The following SLC4A5 variants were observed in gnomAD, a reference collection of about 807,000 sequenced individuals.
The protein encoded by SLC4A5 is electrogenic sodium bicarbonate cotransporter 4.
Under a neutral mutation model 120.4 loss-of-function variants are expected in SLC4A5, and 96 were observed. The ratio of observed to expected loss-of-function variants is 0.80; its 90% CI spans 0.68 to 0.94. The LOEUF (loss-of-function observed/expected upper bound fraction) is 0.94. SLC4A5 is among the 40% of genes least tolerant of loss of function. The pLI is 0.00. For missense variants in SLC4A5, 1,259 were observed against 1,459.5 expected, an observed-to-expected ratio of 0.86 and a Z score of 2.24; for synonymous variants, 550 against 571.1, an observed-to-expected ratio of 0.96 and a Z score of 0.53.
intron 3 of SLC4A5, among the ~76,000 whole-genome samples, chr2:74,337,484 A>T (rs1673520558): frequency 6.6e-6 from 1 of 152,226 alleles, no homozygotes; most frequent in South Asian, 2.1e-4. Context: ...CTTTTTAAAG[A>T]GCGGGGCTCA....
exon 21 of SLC4A5, chr2:74,239,365 C>T (rs768950758): frequency 1.2e-6 from 2 of 1,614,106 alleles, no homozygotes; most frequent in East Asian, 4.5e-5. Context: ...TGAATTTGAA[C>T]TTCTTCAGGG....
intron 7 of SLC4A5, among the ~76,000 whole-genome samples, chr2:74,296,481 G>A (rs550328397): frequency 3.3e-5 from 5 of 151,796 alleles, no homozygotes; most frequent in Admixed American, 1.3e-4. Flanking sequence ...GCCAATTGTC[G>A]GCCAGGCACT....
Position 74,334,187 on chromosome 2 carries a change from G to A in SLC4A5, c.-220-10C>T, listed in dbSNP as rs1439929274. The A allele has an allele frequency of 6.6e-6, 1 of 152,212 alleles. No homozygotes were observed. Among genetic ancestry groups the A allele is most frequent in the African/African-American group, 2.4e-5 (1 of 41,444 alleles). The allele number at this position is 152,212 out of a possible 1,614,324, so 9.4% of individuals were successfully genotyped here. Reference sequence around the variant, plus strand: ...TGATGGTGTCAGCACTCTGCAGGAAGGTGAAAAAAGGTGAGAGATATGTTA... The same window carrying A: ...TGATGGTGTCAGCACTCTGCAGGAAAGTGAAAAAAGGTGAGAGATATGTTA... On this transcript the variant is annotated splice_polypyrimidine_tract_variant and intron_variant, in intron 3 of 30. Transcript: ENST00000394019.
At chr2:74,309,817 G>C (rs1251052459) in intron 6 of SLC4A5, among the ~76,000 whole-genome samples, 1 of 151,642 alleles carries the variant, frequency 6.6e-6, no homozygotes, top group African/African-American at 2.4e-5. Context: ...CACCACGCCC[G>C]GCTAATTTTT....
exon 23 of SLC4A5, chr2:74,233,537 G>A (rs267599453): frequency 1.7e-5 from 27 of 1,613,758 alleles, no homozygotes; most frequent in Admixed American, 6.7e-5. Context: ...AGGGGGCCAC[G>A]AACCAGCCTC....
intron 25 of SLC4A5, among the ~76,000 whole-genome samples, chr2:74,230,139 C>T (rs1253928881): frequency 1.3e-5 from 2 of 152,060 alleles, no homozygotes; most frequent in East Asian, 3.9e-4. Flanking sequence ...CATGCCTGGT[C>T]ATGAGCTGTT....
At chr2:74,279,663 C>T (rs1353796793) in intron 8 of SLC4A5, among the ~76,000 whole-genome samples, 3 of 152,198 alleles carry the variant, frequency 2.0e-5, no homozygotes, top group Non-Finnish European at 4.4e-5. Flanking sequence ...TGGACATCTC[C>T]ACTTGGAGTT....
rs755161346 is a variant in SLC4A5 at position 74,265,227 on chromosome 2, C to T, written c.439G>A (p.Glu147Lys). 7.4e-6 allele frequency: 12 copies of T among 1,614,074 alleles called. No individual in the cohort carries two copies. Among genetic ancestry groups the T allele is most frequent in the Admixed American group, 1.7e-5 (1 of 60,006 alleles). The stretch of plus-strand genomic sequence containing the variant: ...GACACGTGGGGCTTGCTCCAGCGTT[C>T]GCCGCCTTCCTCTACCTTTTCTTCA... Residue 147 changes from glutamate (E) to lysine (K), a missense_variant, in exon 9 of 31, where the codon GAA becomes AAA. Transcript: ENST00000394019.
intron 12 of SLC4A5, among the ~76,000 whole-genome samples, chr2:74,257,272 C>T (rs1234373455): frequency 6.6e-6 from 1 of 152,094 alleles, no homozygotes; most frequent in Non-Finnish European, 1.5e-5. Flanking sequence ...CCTCCACAAC[C>T]ACCTGGGCAA....
At position 74,255,757 on chromosome 2, in the gene SLC4A5, G is replaced by A. The variant is rs750940069; in HGVS notation, c.1025+18C>T. ...GCTACCTGAGAGTGGCGTGGGGACAGGTTTCAATGGCTCTCACCTGGTGGG... is the reference window on the plus strand; with the variant it reads ...GCTACCTGAGAGTGGCGTGGGGACAAGTTTCAATGGCTCTCACCTGGTGGG... On this transcript the variant is annotated intron_variant, in intron 13 of 30. Transcript: ENST00000394019. The surrounding 1 kb of genome is among the most constrained non-coding windows in gnomAD (Gnocchi z 4.0). 32 of 1,613,630 alleles carry A rather than the reference G, an allele frequency of 2.0e-5. No homozygotes were observed. The Admixed American group carries it at 5.3e-4, about 27-fold the overall frequency.
At chr2:74,304,367 G>C in intron 7 of SLC4A5, 122 bp downstream of exon 7, 1 of 1,037,944 alleles carries the variant, frequency 9.6e-7, no homozygotes, top group Non-Finnish European at 1.4e-6. Flanking sequence ...GGGCCAGAGA[G>C]GTTAGGCTGA....
At chr2:74,303,048 A>G (rs900919214) in intron 7 of SLC4A5, among the ~76,000 whole-genome samples, 2 of 134,270 alleles carry the variant, frequency 1.5e-5, no homozygotes, top group African/African-American at 3.1e-5. Context: ...GTGTGTGTGC[A>G]TGTGGAAGTG....
intron 14 of SLC4A5, among the ~76,000 whole-genome samples, chr2:74,254,037 G>T (rs1670877526): frequency 6.6e-6 from 1 of 152,172 alleles, no homozygotes; most frequent in African/African-American, 2.4e-5. Context: ...GTGGGGAAAA[G>T]TTATCTCAGG....
intron 5 of SLC4A5, among the ~76,000 whole-genome samples, chr2:74,325,108 A>C (rs1673188079): frequency 6.6e-6 from 1 of 152,198 alleles, no homozygotes; most frequent in Non-Finnish European, 1.5e-5. Context: ...CATGTTTGCA[A>C]TCACAAGTGC....
chr2:74,283,520 C>CAA (rs1489066579), intron 8 of SLC4A5, among the ~76,000 whole-genome samples: 2 of 152,170 alleles, frequency 1.3e-5, no homozygotes, highest in Non-Finnish European at 2.9e-5. Flanking sequence ...CTTCCAGATA[C>CAA]ATGGTACGTG....
At chr2:74,340,093 A>C (rs1422160307) in intron 2 of SLC4A5, among the ~76,000 whole-genome samples, 3 of 152,216 alleles carry the variant, frequency 2.0e-5, no homozygotes. Flanking sequence ...GGAATGATGA[A>C]AAAGTTCTGG....
At chr2:74,298,514 T>C (rs913916183) in intron 7 of SLC4A5, among the ~76,000 whole-genome samples, 3 of 152,204 alleles carry the variant, frequency 2.0e-5, no homozygotes, top group Non-Finnish European at 4.4e-5. Context: ...GTCTTGGCAG[T>C]GATTTCTTTT....
At chr2:74,271,220 C>T (rs1007353628) in intron 8 of SLC4A5, among the ~76,000 whole-genome samples, 1 of 152,142 alleles carries the variant, frequency 6.6e-6, no homozygotes, top group Non-Finnish European at 1.5e-5. Context: ...CACTGCCCAG[C>T]GAGAATGCCC....
intron 7 of SLC4A5, among the ~76,000 whole-genome samples, chr2:74,292,423 G>A (rs1348739004): frequency 6.6e-6 from 1 of 152,150 alleles, no homozygotes; most frequent in Non-Finnish European, 1.5e-5. Flanking sequence ...CCACATGCTG[G>A]GCCACTGGGT....
Sources: allele counts gnomAD v4.1 joint callset (sites outside exome capture counted in the v4.1 genomes callset), GRCh38; gene constraint gnomAD v4.1.1; non-coding constraint Gnocchi (gnomAD v3.1); transcripts MANE v1.5; gene names NCBI Gene and HGNC (gene_info 2026-07-23, HGNC 2026-07-21).